CDH10: variants seen among roughly 807,000 people sequenced by gnomAD.
CDH10 encodes cadherin-10.
CDH10 carries 30 observed loss-of-function variants against 73.1 expected under a neutral mutation model. The ratio of observed to expected loss-of-function variants is 0.41; its 90% CI spans 0.31 to 0.56. The LOEUF (loss-of-function observed/expected upper bound fraction) is 0.56, where lower values mean the gene tolerates loss of function less well. Ranked by LOEUF, CDH10 falls within the 20% of genes least tolerant of loss-of-function variation. The probability of loss-of-function intolerance (pLI) is 0.27; values close to 1 mark genes in which losing one functional copy is unlikely to be tolerated. For missense variants in CDH10, 815 were observed against 973.7 expected (o/e 0.84, Z 2.17); for synonymous variants, 345 against 348.2 (o/e 0.99, Z 0.10).
intron 8 of CDH10, among the ~76,000 whole-genome samples, chr5:24,500,980 C>T (rs1197632161): frequency 6.6e-6 from 1 of 152,074 alleles, no homozygotes; most frequent in Admixed American, 6.6e-5. Context: ...TATGCCAGAC[C>T]ATTTGCTAAT....
At chr5:24,643,946 T>C (rs575135030) in intron 1 of CDH10, among the ~76,000 whole-genome samples, 2 of 152,242 alleles carry the variant, frequency 1.3e-5, no homozygotes, top group Middle Eastern at 6.8e-3. Flanking sequence ...ATGCATTTAC[T>C]CTCCCTCTCT....
intron 2 of CDH10, chr5:24,578,629 A>G (rs910405446): frequency 1.3e-5 from 2 of 159,738 alleles, no homozygotes; most frequent in African/African-American, 4.8e-5. Flanking sequence ...TACTAAAACT[A>G]AGGCTAGAAA....
intron 5 of CDH10, among the ~76,000 whole-genome samples, chr5:24,512,476 C>T (rs189716335): frequency 6.6e-6 from 1 of 152,060 alleles, no homozygotes; most frequent in Non-Finnish European, 1.5e-5. Flanking sequence ...CATGGCAGAA[C>T]ATTACAAAAT....
At chr5:24,522,414 C>A (rs1296203621) in intron 5 of CDH10, among the ~76,000 whole-genome samples, 3 of 151,832 alleles carry the variant, frequency 2.0e-5, no homozygotes, top group Admixed American at 6.6e-5. Flanking sequence ...AGAATGCATT[C>A]TAGGAACATA....
At chr5:24,594,255 T>G (rs966812176) in intron 1 of CDH10, among the ~76,000 whole-genome samples, 2 of 151,908 alleles carry the variant, frequency 1.3e-5, no homozygotes, top group African/African-American at 4.8e-5. Flanking sequence ...ATTTGTAATA[T>G]AATTAAATCC....
intron 2 of CDH10, among the ~76,000 whole-genome samples, chr5:24,546,181 T>TTGTGTG (rs139727777): frequency 8.4e-4 from 126 of 149,702 alleles, no homozygotes; most frequent in African/African-American, 2.9e-3. Context: ...TTGAAAAAAC[T>TTGTGTG]TGTGTGTGTG....
chr5:24,554,990 T>A (rs1744715028), intron 2 of CDH10, among the ~76,000 whole-genome samples: 1 of 152,264 alleles, frequency 6.6e-6, no homozygotes, highest in Admixed American at 6.5e-5. Flanking sequence ...AATTAATCCC[T>A]ATTTTTCCCA....
At position 24,593,281 on chromosome 5, in the gene CDH10, A is replaced by G. The variant is rs1246216280; in HGVS notation, c.210T>C (p.Ser70=). 2 of 1,602,134 alleles carry G rather than the reference A, an allele frequency of 1.2e-6. No homozygotes were observed. Among genetic ancestry groups the G allele is most frequent in the Admixed American group, 1.7e-5 (1 of 59,932 alleles). The change falls in exon 2 of 12, where the codon TCT becomes TCC. Residue 70 remains serine, a synonymous_variant. Coordinates refer to ENST00000264463, the MANE Select transcript of CDH10 (RefSeq NM_006727.5). ...QFFLLEEYTG[S]DYQYVGKLHS... ...TTACCTTGCCTACGTACTGATAATC[A>G]GATCCTGTATATTCTTCAAGTAAGA...
intron 11 of CDH10, among the ~76,000 whole-genome samples, chr5:24,490,044 G>T (rs997160092): frequency 4.6e-5 from 7 of 151,934 alleles, no homozygotes; most frequent in Non-Finnish European, 7.4e-5. Context: ...ACATTTTTTT[G>T]TCAAGTGAAA....
Position 24,498,456 on chromosome 5 carries a change from G to C in CDH10, c.1457C>G (p.Ala486Gly), listed in dbSNP as rs769547516. The C allele has an allele frequency of 6.3e-7, 1 of 1,596,986 alleles. No homozygotes were observed. The highest frequency in any genetic ancestry group is 1.3e-5 in the African/African-American group (1 of 74,508). Residue 486 changes from alanine to glycine, a missense_variant, in exon 9 of 12, where the codon GCC becomes GGC. By Grantham distance (60) the Ala-to-Gly change is moderately conservative (BLOSUM62 0). Around this residue, in one of 3 missense-constraint regions of CDH10, gnomAD observed 516 missense variants for 636.6 expected, o/e 0.81. Transcript: ENST00000264463. The part of the protein sequence containing the change: ...FVRILDVNDN[A>G]PQFAVFYDTF... Reference sequence around the variant, plus strand: ...GTCATAGAACACAGCAAACTGTGGGGCATTGTCATTAACATCCAAAATTCT... The same window carrying C: ...GTCATAGAACACAGCAAACTGTGGGCCATTGTCATTAACATCCAAAATTCT...
intron 1 of CDH10, among the ~76,000 whole-genome samples, chr5:24,631,044 T>C (rs578067059): frequency 7.1e-4 from 108 of 152,156 alleles, no homozygotes; most frequent in African/African-American, 2.5e-3. Flanking sequence ...GTAAAACTCT[T>C]AGTAGATCTG....
chr5:24,551,276 GTATGTT>G (rs1385086456), intron 2 of CDH10, among the ~76,000 whole-genome samples: 1 of 152,022 alleles, frequency 6.6e-6, no homozygotes, highest in Non-Finnish European at 1.5e-5. Context: ...TTCCTCTTCA[GTATGTT>G]TATATTTTAT....
chr5:24,520,402 T>G (rs192348656), intron 5 of CDH10, among the ~76,000 whole-genome samples: 12 of 152,290 alleles, frequency 7.9e-5, no homozygotes, highest in Non-Finnish European at 1.5e-4. Context: ...GATACTATCT[T>G]TATAAACCTC....
intron 9 of CDH10, among the ~76,000 whole-genome samples, chr5:24,495,623 C>T (rs746035613): frequency 4.7e-4 from 72 of 151,932 alleles, no homozygotes; most frequent in African/African-American, 1.2e-3. Context: ...TCAAGGTGGG[C>T]GGATCACAAG....
chr5:24,539,990 C>A (rs1448883250), intron 2 of CDH10, among the ~76,000 whole-genome samples: 2 of 151,980 alleles, frequency 1.3e-5, no homozygotes, highest in Non-Finnish European at 2.9e-5. Flanking sequence ...TTACAGTAGA[C>A]AGTTATATTT....
At chr5:24,593,113 T>C in intron 2 of CDH10, 147 bp downstream of exon 2, 1 of 553,574 alleles carries the variant, frequency 1.8e-6, no homozygotes, top group Non-Finnish European at 3.2e-6. Context: ...TTTATCAAAT[T>C]GGAATTCGTG....
At chr5:24,573,006 TA>T (rs1297266079) in intron 2 of CDH10, among the ~76,000 whole-genome samples, 2 of 77,310 alleles carry the variant, frequency 2.6e-5, no homozygotes, top group African/African-American at 9.4e-5. Context: ...AAATAAAAAA[TA>T]AAGATCACCA....
At chr5:24,515,432 A>G (rs1481360274) in intron 5 of CDH10, among the ~76,000 whole-genome samples, 1 of 152,202 alleles carries the variant, frequency 6.6e-6, no homozygotes, top group East Asian at 1.9e-4. Flanking sequence ...CAGGAGAAGA[A>G]GAGTCCAGTG....
chr5:24,608,501 C>T (rs1039392098), intron 1 of CDH10, among the ~76,000 whole-genome samples: 1 of 152,056 alleles, frequency 6.6e-6, no homozygotes, highest in East Asian at 1.9e-4. Flanking sequence ...CCATGTTGGC[C>T]AGGATGGTCT....
Sources: allele counts gnomAD v4.1 joint callset (sites outside exome capture counted in the v4.1 genomes callset), GRCh38; gene constraint gnomAD v4.1.1; regional missense constraint gnomAD v4.1.1; transcripts MANE v1.5; gene names NCBI Gene and HGNC (gene_info 2026-07-23, HGNC 2026-07-21).